The following LIN7A variants were observed in gnomAD, a reference collection of about 807,000 sequenced individuals.
LIN7A encodes the protein lin-7 cell polarity scaffold A, also known as protein lin-7 homolog A.
Under a neutral mutation model 29.8 loss-of-function variants are expected in LIN7A, and 25 were observed. The ratio of observed to expected loss-of-function variants is 0.84; its 90% CI spans 0.61 to 1.17. The LOEUF is 1.17. LIN7A is among the 50% of genes most tolerant of loss of function. The pLI, the probability that LIN7A is intolerant of heterozygous loss-of-function variation, is 0.00. For missense variants in LIN7A, 239 were observed against 287.0 expected (o/e 0.83, Z 1.21); for synonymous variants, 118 against 107.5 (o/e 1.10, Z -0.60).
intron 5 of LIN7A, among the ~76,000 whole-genome samples, chr12:80,811,057 C>T (rs1871263781): frequency 6.6e-6 from 1 of 152,158 alleles, no homozygotes; most frequent in Admixed American, 6.5e-5. Flanking sequence ...GCAGTTAATA[C>T]ACTGTGTAAA....
chr12:80,806,930 C>CA (rs1271492872), intron 5 of LIN7A, among the ~76,000 whole-genome samples: 4 of 152,128 alleles, frequency 2.6e-5, no homozygotes, highest in Non-Finnish European at 5.9e-5. Flanking sequence ...GGCACAAATA[C>CA]AAATTTCATG....
chr12:80,864,518 G>A (rs1874042925), intron 2 of LIN7A, among the ~76,000 whole-genome samples: 2 of 152,236 alleles, frequency 1.3e-5, no homozygotes, highest in Non-Finnish European at 2.9e-5. Context: ...GAAAATCCCT[G>A]CAAAGAGGAA....
intron 4 of LIN7A, among the ~76,000 whole-genome samples, chr12:80,818,633 G>A (rs148958398): frequency 7.2e-5 from 11 of 152,318 alleles, no homozygotes; most frequent in African/African-American, 2.6e-4. Flanking sequence ...AAACCTTGAT[G>A]TACATAGTAG....
intron 3 of LIN7A, among the ~76,000 whole-genome samples, 183 bp from the exon 4 acceptor site, chr12:80,846,122 T>G (rs1188077481): frequency 1.3e-5 from 2 of 152,184 alleles, no homozygotes; most frequent in African/African-American, 4.8e-5. Flanking sequence ...TTTCTTTCTT[T>G]GGTAAAGTCC....
chr12:80,797,059 CA>C lies in LIN7A; in HGVS notation c.*667del, dbSNP rs1392060631. The C allele has an allele frequency of 6.6e-6, 1 of 152,162 alleles. No homozygotes were observed. The highest frequency in any genetic ancestry group is 1.9e-4 in the East Asian group (1 of 5,204). The allele number at this position is 152,162 out of a possible 1,614,324, so 9.4% of individuals were successfully genotyped here. On this transcript the variant is annotated 3_prime_UTR_variant, in exon 6 of 6. Transcript: ENST00000552864. ...AAAAACTACAGTGCTAGAGTTCCTA[CA>C]CTTGCTTCTAACAAACTAAAAGTTG...
intron 2 of LIN7A, among the ~76,000 whole-genome samples, chr12:80,863,299 G>T (rs989947572): frequency 1.3e-5 from 2 of 152,182 alleles, no homozygotes; most frequent in Non-Finnish European, 2.9e-5. Context: ...GATTAAACTA[G>T]ATAATTGATA....
At chr12:80,875,723 T>C (rs1486277737) in intron 2 of LIN7A, among the ~76,000 whole-genome samples, 1 of 152,198 alleles carries the variant, frequency 6.6e-6, no homozygotes, top group African/African-American at 2.4e-5. Context: ...ACCCAACAAA[T>C]ATTTATTAAA....
intron 1 of LIN7A, among the ~76,000 whole-genome samples, chr12:80,920,123 C>T (rs1253261720): frequency 2.6e-5 from 4 of 152,172 alleles, no homozygotes; most frequent in Non-Finnish European, 5.9e-5. Context: ...ACAGACCAGT[C>T]TCCGTCCCAA....
At chr12:80,804,464 A>C (rs897929703) in intron 5 of LIN7A, among the ~76,000 whole-genome samples, 2 of 151,986 alleles carry the variant, frequency 1.3e-5, no homozygotes. Flanking sequence ...ATAAGTGAGA[A>C]TATGTGATGT....
intron 1 of LIN7A, chr12:80,937,431 C>T (rs1878298803): frequency 1.0e-5 from 4 of 397,516 alleles, no homozygotes; most frequent in Non-Finnish European, 1.8e-5. Flanking sequence ...CTCGGCGGGG[C>T]GAGTACAGTG....
chr12:80,937,610 C>T (rs1183384499), intron 1 of LIN7A, 31 bp downstream of exon 1: 1 of 1,420,752 alleles, frequency 7.0e-7, no homozygotes, highest in South Asian at 1.4e-5. Context: ...AGAGGGGACG[C>T]GGTGGCCTGG....
intron 5 of LIN7A, among the ~76,000 whole-genome samples, chr12:80,798,584 T>C (rs1240774554): frequency 6.6e-6 from 1 of 152,166 alleles, no homozygotes; most frequent in Non-Finnish European, 1.5e-5. Flanking sequence ...ATTTTAACTA[T>C]TATAATATCA....
intron 2 of LIN7A, among the ~76,000 whole-genome samples, chr12:80,856,569 A>T (rs1327988626): frequency 6.6e-6 from 1 of 152,220 alleles, no homozygotes; most frequent in African/African-American, 2.4e-5. Flanking sequence ...TTTAGTCACA[A>T]AGGACATACA....
At chr12:80,864,391 A>G (rs961438070) in intron 2 of LIN7A, among the ~76,000 whole-genome samples, 3 of 152,196 alleles carry the variant, frequency 2.0e-5, no homozygotes, top group African/African-American at 7.2e-5. Flanking sequence ...TGTGGAGAAA[A>G]TAATGGCTGT....
At position 80,795,147 on chromosome 12, in the gene LIN7A, G is replaced by C. The variant is rs150655827; in HGVS notation, c.*2580C>G. ...ACATGTCAGTGGCTCTAATATGATC[G>C]TTAATAATGAAGATAATTAGTATAA... On this transcript the variant is annotated 3_prime_UTR_variant, in exon 6 of 6. Coordinates refer to ENST00000552864, the MANE Select transcript of LIN7A (RefSeq NM_004664.4). 2.0e-5 allele frequency: 3 copies of C among 152,032 alleles called. No homozygotes were observed. The highest frequency in any genetic ancestry group is 6.6e-5 in the Admixed American group (1 of 15,248). The allele number at this position is 152,032 out of a possible 1,614,324, so 9.4% of individuals were successfully genotyped here.
At chr12:80,891,139 C>A (rs561680347) in intron 1 of LIN7A, among the ~76,000 whole-genome samples, 1 of 152,204 alleles carries the variant, frequency 6.6e-6, no homozygotes, top group South Asian at 2.1e-4. Context: ...TGTAAAGAGC[C>A]CTATCACTCT....
intron 2 of LIN7A, among the ~76,000 whole-genome samples, chr12:80,868,679 C>G (rs1874269815): frequency 6.6e-6 from 1 of 152,188 alleles, no homozygotes; most frequent in African/African-American, 2.4e-5. Context: ...TGATGTAATT[C>G]AGGTCAAAGT....
At chr12:80,809,007 CAG>C (rs1283937696) in intron 5 of LIN7A, among the ~76,000 whole-genome samples, 1 of 149,080 alleles carries the variant, frequency 6.7e-6, no homozygotes, top group Admixed American at 6.8e-5. Context: ...TTTTTTGAGA[CAG>C]AGTTTCACTC....
At chr12:80,933,911 C>T (rs927423178) in intron 1 of LIN7A, among the ~76,000 whole-genome samples, 5 of 152,132 alleles carry the variant, frequency 3.3e-5, no homozygotes, top group Non-Finnish European at 7.3e-5. Context: ...CATTGTGTGA[C>T]TCTCATTAGC....
Sources: gnomAD v4.1 joint callset for allele counts (sites outside exome capture counted in the v4.1 genomes callset) on GRCh38, gnomAD v4.1.1 for gene constraint, MANE v1.5 for transcripts, NCBI Gene and HGNC (gene_info 2026-07-23, HGNC 2026-07-21) for gene names.